Variants in DCAF8L2 observed in about 807,000 individuals in gnomAD.
The protein encoded by DCAF8L2 is DDB1 and CUL4 associated factor 8 like 2, also known as DDB1- and CUL4-associated factor 8-like protein 2.
For missense variants in DCAF8L2, 430 were observed against 490.7 expected, an observed-to-expected ratio of 0.88 and a Z score of 1.17; for synonymous variants, 200 against 190.9, an observed-to-expected ratio of 1.05 and a Z score of -0.39.
chrX:27,672,261 A>C (rs1238397054), intron 2 of DCAF8L2, among the ~76,000 whole-genome samples: 4 of 112,101 alleles, frequency 3.6e-5, no homozygotes, highest in Non-Finnish European at 3.8e-5. Context: ...AAAGGTAGTC[A>C]AAGGACTGAG....
chrX:27,523,379 C>T, the DCAF8L2 span, among the ~76,000 whole-genome samples: 1 of 97,723 alleles, frequency 1.0e-5, no homozygotes, highest in African/African-American at 3.7e-5. Context: ...TGTCAATCAT[C>T]TAGCTATCTA....
At chrX:27,581,216 A>T in the DCAF8L2 span, among the ~76,000 whole-genome samples, 1 of 111,549 alleles carries the variant, frequency 9.0e-6, no homozygotes, top group East Asian at 2.8e-4. Flanking sequence ...TAACTTGGGA[A>T]CCTAGAAGTA....
At chrX:27,593,530 C>A (rs1405508604) in intron 1 of DCAF8L2, among the ~76,000 whole-genome samples, 1 of 111,506 alleles carries the variant, frequency 9.0e-6, no homozygotes, top group African/African-American at 3.3e-5. Context: ...GATGGAAGAC[C>A]AGGGGCTGTT....
intron 2 of DCAF8L2, among the ~76,000 whole-genome samples, chrX:27,646,803 A>T (rs150622870): frequency 0.022 from 2,505 of 111,960 alleles, 62 homozygotes; most frequent in African/African-American, 0.075. Context: ...AACAAACATG[A>T]AAAAAAGCTC....
chrX:27,490,608 T>C, the DCAF8L2 span, among the ~76,000 whole-genome samples: 1 of 109,971 alleles, frequency 9.1e-6, no homozygotes, highest in Non-Finnish European at 1.9e-5. Context: ...ACTACAGGCG[T>C]CGGCCACCAC....
chrX:27,513,287 A>G, the DCAF8L2 span, among the ~76,000 whole-genome samples: 2 of 112,423 alleles, frequency 1.8e-5, no homozygotes, highest in Admixed American at 9.5e-5. Context: ...AATGGAAACT[A>G]TCAACAGAGT....
At chrX:27,532,725 CATATTTAT>C in the DCAF8L2 span, among the ~76,000 whole-genome samples, 64 of 84,000 alleles carry the variant, frequency 7.6e-4, 1 homozygote, top group African/African-American at 2.8e-3. Context: ...TAGTGAGACC[CATATTTAT>C]TTATTTATTT....
At chrX:27,676,190 G>A (rs145948641) in intron 2 of DCAF8L2, among the ~76,000 whole-genome samples, 3 of 110,914 alleles carry the variant, frequency 2.7e-5, no homozygotes, top group East Asian at 2.8e-4. Context: ...CTTTGTAGGC[G>A]TCTCATAGTA....
chrX:27,714,843 GT>G (rs751463984), intron 3 of DCAF8L2, among the ~76,000 whole-genome samples: 1 of 112,087 alleles, frequency 8.9e-6, no homozygotes, highest in African/African-American at 3.2e-5. Flanking sequence ...AGTCTTTTGA[GT>G]AAGAACCCTG....
intron 1 of DCAF8L2, among the ~76,000 whole-genome samples, chrX:27,628,408 T>C (rs982286650): frequency 8.9e-6 from 1 of 112,019 alleles, no homozygotes; most frequent in African/African-American, 3.2e-5. Flanking sequence ...TGCAGATATC[T>C]CTTGGAGATA....
chrX:27,506,783 G>A, the DCAF8L2 span, among the ~76,000 whole-genome samples: 10 of 111,080 alleles, frequency 9.0e-5, no homozygotes, highest in African/African-American at 3.3e-4. Context: ...CTGCCTCCCG[G>A]GTTCAAGCGA....
chrX:27,484,060 T>A, the DCAF8L2 span, among the ~76,000 whole-genome samples: 1 of 111,796 alleles, frequency 8.9e-6, no homozygotes, highest in Admixed American at 9.6e-5. Context: ...TTTTAAAAAT[T>A]GTTTTTTGAT....
At position 27,614,243 on chromosome X, in the gene DCAF8L2, G is replaced by A. The variant is rs561354756; in HGVS notation, c.-341-17636G>A. On this transcript the variant is annotated intron_variant, in intron 1 of 4. Coordinates refer to ENST00000451261, the MANE Select transcript of DCAF8L2 (RefSeq NM_001353450.2). The stretch of plus-strand genomic sequence containing the variant: ...AGATTTTCTAGTTTATTTGCATAGA[G>A]GTGTTTATAGTATTTTCTGATGGTA... 5.2e-3 allele frequency among the ~76,000 whole-genome samples: 566 copies of A among 109,892 alleles called. 1 individual carries two copies. Among genetic ancestry groups the A allele is most frequent in the Middle Eastern group, 0.023 (5 of 217 alleles).
At chrX:27,477,871 T>C in the DCAF8L2 span, among the ~76,000 whole-genome samples, 15 of 111,793 alleles carry the variant, frequency 1.3e-4, no homozygotes, top group African/African-American at 4.9e-4. Flanking sequence ...AAACTTCAAG[T>C]AAGCATTCTC....
At chrX:27,650,754 ACTT>A (rs1210011635) in intron 2 of DCAF8L2, among the ~76,000 whole-genome samples, 2 of 111,551 alleles carry the variant, frequency 1.8e-5, no homozygotes, top group Non-Finnish European at 3.8e-5. Flanking sequence ...ATATAGTTTA[ACTT>A]CTTCTTTTTC....
At chrX:27,739,413 C>A (rs1921727056) in intron 4 of DCAF8L2, among the ~76,000 whole-genome samples, 1 of 111,733 alleles carries the variant, frequency 8.9e-6, no homozygotes, top group Non-Finnish European at 1.9e-5. Context: ...ACACTTTCTT[C>A]ATATTCTCAT....
At chrX:27,667,345 CAGG>C (rs1929777756) in intron 2 of DCAF8L2, among the ~76,000 whole-genome samples, 1 of 111,495 alleles carries the variant, frequency 9.0e-6, no homozygotes, top group Non-Finnish European at 1.9e-5. Context: ...TTAGGTTGTA[CAGG>C]AAGTTCAATG....
chrX:27,682,236 A>G (rs1267651823), intron 3 of DCAF8L2, among the ~76,000 whole-genome samples: 2 of 111,930 alleles, frequency 1.8e-5, no homozygotes, highest in Non-Finnish European at 1.9e-5. Flanking sequence ...AAGTGTTGTG[A>G]TTACAGGCAT....
the DCAF8L2 span, among the ~76,000 whole-genome samples, chrX:27,494,106 G>T: frequency 9.0e-6 from 1 of 111,630 alleles, no homozygotes; most frequent in Non-Finnish European, 1.9e-5. Context: ...CACTTCTCTT[G>T]TATAGAAAAT....
Sources: allele counts gnomAD v4.1 joint callset (sites outside exome capture counted in the v4.1 genomes callset), GRCh38; gene constraint gnomAD v4.1.1; transcripts MANE v1.5; gene names NCBI Gene and HGNC (gene_info 2026-07-23, HGNC 2026-07-21).